The following KCNJ14 variants were observed in gnomAD, a reference collection of about 807,000 sequenced individuals.
KCNJ14 encodes the protein ATP-sensitive inward rectifier potassium channel 14.
A neutral mutation model predicts 24.5 loss-of-function variants in KCNJ14; 18 were observed. That is an observed-to-expected ratio of 0.74 (90% CI 0.51 to 1.09). KCNJ14 has a LOEUF of 1.09. Among genes scored for constraint, KCNJ14 ranks in the 50% least tolerant of loss-of-function variants. KCNJ14 has a pLI of 0.00. For synonymous variants in KCNJ14, 288 were observed against 270.8 expected, an observed-to-expected ratio of 1.06 and a Z score of -0.63; for missense variants, 633 against 623.0, an observed-to-expected ratio of 1.02 and a Z score of -0.17.
intron 1 of KCNJ14, chr19:48,456,179 C>G (rs774278205): frequency 6.6e-6 from 1 of 152,262 alleles, no homozygotes; most frequent in African/African-American, 2.4e-5. Flanking sequence ...GCCTGGGGAG[C>G]ACAGGTCAGT....
chr19:48,461,346 GAAAA>G (rs1164133007), intron 1 of KCNJ14: 1 of 107,356 alleles, frequency 9.3e-6, no homozygotes, highest in East Asian at 1.8e-4. Context: ...AAAAAAAAAA[GAAAA>G]GAAAAGAAAA....
chr19:48,464,895 G>A lies in KCNJ14; in HGVS notation c.*118G>A, dbSNP rs535271233. 2.3e-5 allele frequency: 17 copies of A among 755,354 alleles called. No individual in the cohort carries two copies. Among genetic ancestry groups the A allele is most frequent in the South Asian group, 9.9e-5 (6 of 60,710 alleles). The allele number at this position is 755,354 out of a possible 1,614,324, so 46.8% of individuals were successfully genotyped here. ...TCCTGAATACCGACAGGCCTGCTGG[G>A]TAAATGACTAGGTGGTAAGGTTCTG... On this transcript the variant is annotated 3_prime_UTR_variant, in exon 3 of 3. Coordinates refer to ENST00000342291, the MANE Select transcript of KCNJ14 (RefSeq NM_013348.4).
intron 1 of KCNJ14, among the ~76,000 whole-genome samples, chr19:48,459,133 G>A (rs373708769): frequency 2.0e-5 from 3 of 146,388 alleles, no homozygotes; most frequent in Admixed American, 6.8e-5. Flanking sequence ...TCCCAGCCTC[G>A]GGAGGCTGAG....
intron 2 of KCNJ14, among the ~76,000 whole-genome samples, chr19:48,463,575 C>T (rs1971624542): frequency 6.6e-6 from 1 of 152,176 alleles, no homozygotes; most frequent in Non-Finnish European, 1.5e-5. Flanking sequence ...GTTGCCCTGA[C>T]AGCTAGGATA....
Position 48,462,216 on chromosome 19 carries a change from C to T in KCNJ14, c.492C>T (p.Ala164=). 1.3e-6 allele frequency: 2 copies of T among 1,552,440 alleles called. No homozygotes were observed. The highest frequency in any genetic ancestry group is 1.2e-5 in the South Asian group (1 of 84,532). Residue 164 remains alanine, a synonymous_variant, in exon 2 of 3, where the codon GCC becomes GCT. Transcript: ENST00000342291. The surrounding 1 kb of genome is among the most constrained non-coding windows in gnomAD (Gnocchi z 4.9). ...CCGAGGAGTGCCCGGCCGCTGTGGC[C>T]GCCGTGGTGCTGCAGTGCATTGCCG... ...SVTEECPAAV[A]AVVLQCIAGC...
Position 48,462,191 on chromosome 19 carries a change from C to A in KCNJ14, c.467C>A (p.Thr156Asn). The change falls in exon 2 of 3, where the codon ACC (threonine) becomes AAC (asparagine). Residue 156 changes from threonine (T) to asparagine (N), a missense_variant. By Grantham distance (65) the Thr-to-Asn change is moderately conservative. Coordinates refer to ENST00000342291, the MANE Select transcript of KCNJ14 (RefSeq NM_013348.4). This position sits in a 1 kb window ranked among gnomAD's most constrained non-coding sequence, Gnocchi z 4.9. Reference protein sequence around the residue: ...TSIGYGVRSVTEECPAAVAAV... With the variant: ...TSIGYGVRSVNEECPAAVAAV... ...ATCGGCTACGGCGTGCGCAGCGTCA[C>A]CGAGGAGTGCCCGGCCGCTGTGGCC... 6.4e-7 allele frequency: 1 copy of A among 1,559,596 alleles called. No homozygotes were observed. The highest frequency in any genetic ancestry group is 8.7e-7 in the Non-Finnish European group (1 of 1,152,548).
rs1462065976 is a variant in KCNJ14 at position 48,462,081 on chromosome 19, C to T, written c.357C>T (p.Ala119=). 9 of 1,605,654 alleles carry T rather than the reference C, an allele frequency of 5.6e-6. No individual in the cohort carries two copies. The South Asian group carries it at 1.0e-4, about 18-fold the overall frequency. Residue 119 remains alanine, a synonymous_variant, in exon 2 of 3, where the codon GCC becomes GCT. Coordinates refer to ENST00000342291, the MANE Select transcript of KCNJ14 (RefSeq NM_013348.4). The surrounding 1 kb of genome is among the most constrained non-coding windows in gnomAD (Gnocchi z 4.9). ...WLIASLHGDL[A]APPPPAPCFS... ...TTGCCTCGCTGCACGGCGACCTGGCCGCCCCGCCACCGCCCGCGCCCTGCT... is the reference window on the plus strand; with the variant it reads ...TTGCCTCGCTGCACGGCGACCTGGCTGCCCCGCCACCGCCCGCGCCCTGCT...
In KCNJ14 at chr19:48,464,708, G is replaced by A. The variant is rs765213149; in HGVS notation, c.1242G>A (p.Val414=). The part of the protein sequence containing the change: ...EDDETEEGNG[V]ETEDGAASPR... ...ATGAGACTGAGGAAGGGAATGGGGTGGAAACAGAAGATGGGGCTGCTAGCC... is the reference window on the plus strand; with the variant it reads ...ATGAGACTGAGGAAGGGAATGGGGTAGAAACAGAAGATGGGGCTGCTAGCC... The change falls in exon 3 of 3, where the codon GTG becomes GTA. Residue 414 remains valine, a synonymous_variant. Transcript: ENST00000342291. 5 of 1,613,112 alleles carry A rather than the reference G, an allele frequency of 3.1e-6. No homozygotes were observed. The Admixed American group carries it at 8.3e-5, about 27-fold the overall frequency.
At position 48,459,240 on chromosome 19, in the gene KCNJ14, CAA is replaced by C. The variant is rs748195965; in HGVS notation, c.-55-2410_-55-2409del. On this transcript the variant is annotated intron_variant, in intron 1 of 2. Coordinates refer to ENST00000342291, the MANE Select transcript of KCNJ14 (RefSeq NM_013348.4). Reference sequence around the variant, plus strand: ...GGGCAACTAAGCAAGACTCCGTCTCCAAAAAAAAAAAAAAAAAAAAAGTTTGG... The same window carrying C: ...GGGCAACTAAGCAAGACTCCGTCTCCAAAAAAAAAAAAAAAAAAAGTTTGG... 9.6e-3 allele frequency among the ~76,000 whole-genome samples: 570 copies of C among 59,132 alleles called. 5 individuals are homozygous for C. The highest frequency in any genetic ancestry group is 0.025 in the African/African-American group (429 of 17,488). 38.8% of individuals were successfully genotyped at this position (59,132 alleles called of 152,430 possible).
chr19:48,461,363 G>GT (rs907326716), intron 1 of KCNJ14: 12 of 51,990 alleles, frequency 2.3e-4, no homozygotes, highest in Non-Finnish European at 3.7e-4. Context: ...AAAGAAAAAA[G>GT]TTAAAAAAAA....
At chr19:48,461,457 C>A (rs145504988) in intron 1 of KCNJ14, 201 of 325,612 alleles carry the variant, frequency 6.2e-4, no homozygotes, top group African/African-American at 4.1e-3. Context: ...AAACTTGGGA[C>A]GCGGAGATTG....
chr19:48,464,811 C>T lies in KCNJ14; in HGVS notation c.*34C>T, dbSNP rs754144498. ...GATGTCCCCTTCCCCGTGTATGCCC[C>T]CTTCCCCAAGGTAGCAAGATGGAGG... On this transcript the variant is annotated 3_prime_UTR_variant, in exon 3 of 3. Transcript: ENST00000342291. The T allele has an allele frequency of 5.4e-6, 8 of 1,494,628 alleles. No homozygotes were observed. Among genetic ancestry groups the T allele is most frequent in the Non-Finnish European group, 7.3e-6 (8 of 1,089,804 alleles). 92.6% of individuals were successfully genotyped at this position (1,494,628 alleles called of 1,614,324 possible).
rs774308144 is a variant in KCNJ14 at position 48,464,415 on chromosome 19, C to T, written c.949C>T (p.Arg317Cys). Residue 317 changes from arginine to cysteine, a missense_variant, in exon 3 of 3, where the codon CGC becomes TGC. Arg to Cys is a radical substitution (Grantham distance 180). Transcript: ENST00000342291. ...GGCCACAGCCATGACCACACAGTGT[C>T]GCTCGTCCTACCTCCCTGGTGAACT... is the stretch of plus-strand genomic sequence containing the variant. ...VEATAMTTQCRSSYLPGELLW... is the reference protein window; with the variant it reads ...VEATAMTTQCCSSYLPGELLW... 15 of 1,613,456 alleles carry T rather than the reference C, an allele frequency of 9.3e-6. No homozygotes were observed. Among genetic ancestry groups the T allele is most frequent in the East Asian group, 2.2e-5 (1 of 44,856 alleles).
At position 48,464,835 on chromosome 19, in the gene KCNJ14, G is replaced by C; in HGVS notation, c.*58G>C. 7.8e-7 allele frequency: 1 copy of C among 1,279,458 alleles called. No individual in the cohort carries two copies. The highest frequency in any genetic ancestry group is 1.1e-6 in the Non-Finnish European group (1 of 901,584). 79.3% of individuals were successfully genotyped at this position (1,279,458 alleles called of 1,614,324 possible). ...CCCTTCCCCAAGGTAGCAAGATGGA[G>C]GGATGGGGCTCTCTCCTGGGATGGG... On this transcript the variant is annotated 3_prime_UTR_variant, in exon 3 of 3. Coordinates refer to ENST00000342291, the MANE Select transcript of KCNJ14 (RefSeq NM_013348.4).
In KCNJ14 at chr19:48,462,437, A is replaced by G; in HGVS notation, c.713A>G (p.Gln238Arg). 6.8e-7 allele frequency: 1 copy of G among 1,468,072 alleles called. No individual in the cohort carries two copies. Among genetic ancestry groups the G allele is most frequent in the Non-Finnish European group, 9.0e-7 (1 of 1,106,782 alleles). The allele number at this position is 1,468,072 out of a possible 1,614,324, so 90.9% of individuals were successfully genotyped here. A position where few individuals can be genotyped will look rare whatever the true frequency, so the allele number is the denominator to read the frequency against. The change falls in exon 2 of 3, where the codon CAG becomes CGG. Residue 238 changes from glutamine to arginine, a missense_variant and splice_region_variant. Gln to Arg is a conservative substitution (Grantham distance 43). Coordinates refer to ENST00000342291, the MANE Select transcript of KCNJ14 (RefSeq NM_013348.4). This position sits in a 1 kb window ranked among gnomAD's most constrained non-coding sequence, Gnocchi z 4.9. ...VEAHVRAQLL[Q>R]PRVTPEGEYI... is the part of the protein sequence containing the mutation. ...GCCCACGTGCGTGCCCAGCTGCTGC[A>G]GGTGCGCCCGGGAGGAGAGGCGGGG...
In KCNJ14 at chr19:48,462,224, T is replaced by G. The variant is rs772463821; in HGVS notation, c.500T>G (p.Val167Gly). 35 of 1,551,538 alleles carry G rather than the reference T, an allele frequency of 2.3e-5. No homozygotes were observed. The highest frequency in any genetic ancestry group is 2.1e-5 in the Non-Finnish European group (24 of 1,147,626). ...EECPAAVAAV[V>G]LQCIAGCVLD... ...TGCCCGGCCGCTGTGGCCGCCGTGGTGCTGCAGTGCATTGCCGGCTGCGTG... is the reference window on the plus strand; with the variant it reads ...TGCCCGGCCGCTGTGGCCGCCGTGGGGCTGCAGTGCATTGCCGGCTGCGTG... Residue 167 changes from valine (V) to glycine (G), a missense_variant, in exon 2 of 3, where the codon GTG (valine) becomes GGG (glycine). Transcript: ENST00000342291. The surrounding 1 kb of genome is among the most constrained non-coding windows in gnomAD (Gnocchi z 4.9).
In KCNJ14 at chr19:48,464,341, T is replaced by G. The variant is rs757745215; in HGVS notation, c.875T>G (p.Leu292Arg). Reference protein sequence around the residue: ...SPLYELGRAELARADFELVVI... With the variant: ...SPLYELGRAERARADFELVVI... ...CTGTATGAGCTAGGACGTGCCGAGC[T>G]GGCCAGGGCTGACTTTGAGCTGGTG... The change falls in exon 3 of 3, where the codon CTG becomes CGG. Residue 292 changes from leucine (L) to arginine (R), a missense_variant. Leu to Arg is a moderately radical substitution (Grantham distance 102). Coordinates refer to ENST00000342291, the MANE Select transcript of KCNJ14 (RefSeq NM_013348.4). The G allele has an allele frequency of 1.2e-6, 2 of 1,613,408 alleles. No individual in the cohort carries two copies. Among genetic ancestry groups the G allele is most frequent in the Non-Finnish European group, 1.7e-6 (2 of 1,179,674 alleles).
chr19:48,457,531 T>G (rs1322985204), intron 1 of KCNJ14, among the ~76,000 whole-genome samples: 1 of 152,072 alleles, frequency 6.6e-6, no homozygotes, highest in Non-Finnish European at 1.5e-5. Context: ...TCAGAAAGAG[T>G]TGCCAAAGAT....
In KCNJ14 at chr19:48,464,189, G is replaced by C; in HGVS notation, c.723G>C (p.Val241=). The change falls in exon 3 of 3, where the codon GTG becomes GTC. Residue 241 remains valine (V), a synonymous_variant. Transcript: ENST00000342291. ...HVRAQLLQPR[V]TPEGEYIPLD... ...CTCGCCTCCTGCTGCAGCCCCGTGT[G>C]ACCCCAGAGGGTGAGTACATCCCGC... The C allele has an allele frequency of 6.2e-7, 1 of 1,613,518 alleles. No individual in the cohort carries two copies. Among genetic ancestry groups the C allele is most frequent in the Non-Finnish European group, 8.5e-7 (1 of 1,179,530 alleles).
Sources: allele counts gnomAD v4.1 joint callset (sites outside exome capture counted in the v4.1 genomes callset), GRCh38; gene constraint gnomAD v4.1.1; non-coding constraint Gnocchi (gnomAD v3.1); transcripts MANE v1.5; gene names NCBI Gene and HGNC (gene_info 2026-07-23, HGNC 2026-07-21).